Variants in KCNJ6 observed in about 807,000 individuals in gnomAD.
KCNJ6 encodes the protein potassium inwardly rectifying channel subfamily J member 6, also known as G protein-activated inward rectifier potassium channel 2.
KCNJ6 carries 9 observed loss-of-function variants against 34.2 expected under a neutral mutation model. The observed-to-expected ratio is 0.26, with a 90% CI of 0.16 to 0.46. The LOEUF is 0.46. Ranked by LOEUF, KCNJ6 falls within the 20% of genes least tolerant of loss-of-function variation. KCNJ6 has a pLI of 1.00. For missense variants in KCNJ6, 236 were observed against 531.3 expected (o/e 0.44, Z 5.46); for synonymous variants, 196 against 207.1 (o/e 0.95, Z 0.46).
At chr21:37,833,668 G>A (rs577328059) in intron 2 of KCNJ6, among the ~76,000 whole-genome samples, 72 of 152,066 alleles carry the variant, frequency 4.7e-4, no homozygotes, top group Middle Eastern at 3.4e-3. Context: ...AGAAATAAAC[G>A]TGTGTGCATA....
chr21:37,702,367 G>T (rs76518771), intron 3 of KCNJ6, among the ~76,000 whole-genome samples: 3,626 of 152,068 alleles, frequency 0.024, 103 homozygotes, highest in African/African-American at 0.068. Flanking sequence ...GGTGGCCATA[G>T]AGACAGACAT....
At chr21:37,707,466 GAGAC>G (rs1005141740) in intron 3 of KCNJ6, among the ~76,000 whole-genome samples, 43 of 152,144 alleles carry the variant, frequency 2.8e-4, no homozygotes, top group African/African-American at 9.4e-4. Context: ...TGAAGAAATG[GAGAC>G]AGACAGAGGT....
intron 2 of KCNJ6, among the ~76,000 whole-genome samples, chr21:37,814,255 A>G (rs889196845): frequency 6.6e-6 from 1 of 152,226 alleles, no homozygotes; most frequent in African/African-American, 2.4e-5. Flanking sequence ...GACAGGCAAT[A>G]ACAAATAAAA....
At chr21:37,647,259 A>G (rs1198466107) in intron 3 of KCNJ6, among the ~76,000 whole-genome samples, 1 of 152,062 alleles carries the variant, frequency 6.6e-6, no homozygotes, top group East Asian at 1.9e-4. Context: ...CTTTGGATCC[A>G]TGAGGTTTTT....
At chr21:37,853,846 G>GTATATATATATATATATATACA (rs144698876) in intron 1 of KCNJ6, among the ~76,000 whole-genome samples, 3 of 115,992 alleles carry the variant, frequency 2.6e-5, no homozygotes, top group Admixed American at 8.7e-5. Flanking sequence ...ATATATATAT[G>GTATATATATATATATATATACA]TATATATATA....
chr21:37,662,407 C>A (rs1415180679), intron 3 of KCNJ6, among the ~76,000 whole-genome samples: 1 of 152,126 alleles, frequency 6.6e-6, no homozygotes, highest in African/African-American at 2.4e-5. Context: ...TCCATTATTC[C>A]AGCTTCATCC....
chr21:37,693,028 T>C (rs115488711), intron 3 of KCNJ6, among the ~76,000 whole-genome samples: 35 of 152,224 alleles, frequency 2.3e-4, no homozygotes, highest in African/African-American at 8.2e-4. Flanking sequence ...CCGCACCCTG[T>C]GTATGTTCCA....
At chr21:37,758,352 GAA>G (rs538541239) in intron 2 of KCNJ6, among the ~76,000 whole-genome samples, 138 of 152,250 alleles carry the variant, frequency 9.1e-4, no homozygotes, top group African/African-American at 3.2e-3. Context: ...TATTTTGGGA[GAA>G]GTTACCCTGC....
At chr21:37,876,109 G>A (rs1019737077) in intron 1 of KCNJ6, among the ~76,000 whole-genome samples, 2 of 152,210 alleles carry the variant, frequency 1.3e-5, no homozygotes, top group African/African-American at 4.8e-5. Flanking sequence ...AATGATGGCA[G>A]AGCATTAAAT....
intron 3 of KCNJ6, among the ~76,000 whole-genome samples, chr21:37,682,686 C>T (rs1016198337): frequency 5.9e-5 from 9 of 152,196 alleles, no homozygotes; most frequent in Non-Finnish European, 1.0e-4. Flanking sequence ...AGGCCCCATT[C>T]ATCGGTACTG....
intron 2 of KCNJ6, among the ~76,000 whole-genome samples, chr21:37,755,572 T>G (rs147958414): frequency 9.6e-4 from 146 of 152,306 alleles, no homozygotes; most frequent in African/African-American, 3.3e-3. Context: ...TGCTTTGCCA[T>G]GAGGGGCAAC....
chr21:37,846,932 A>G (rs908350590), intron 1 of KCNJ6, among the ~76,000 whole-genome samples: 3 of 151,970 alleles, frequency 2.0e-5, no homozygotes, highest in Non-Finnish European at 4.4e-5. Context: ...TCACCTGAGG[A>G]CTGATTTAAA....
chr21:37,889,114 T>C (rs2055749542), intron 1 of KCNJ6, among the ~76,000 whole-genome samples: 1 of 152,154 alleles, frequency 6.6e-6, no homozygotes. Context: ...GGTGGTGGCT[T>C]CAAAATCAGA....
chr21:37,905,387 C>T (rs115038397), intron 1 of KCNJ6, among the ~76,000 whole-genome samples: 9 of 152,296 alleles, frequency 5.9e-5, no homozygotes, highest in Non-Finnish European at 7.4e-5. Context: ...CGATGCGTGG[C>T]GCTCTGATTT....
chr21:37,864,564 C>T (rs16995594), intron 1 of KCNJ6, among the ~76,000 whole-genome samples: 2,254 of 152,232 alleles, frequency 0.015, 54 homozygotes, highest in African/African-American at 0.052. Context: ...GACTTGTAAG[C>T]TCTGTGCATG....
rs1453891374 is a variant in KCNJ6 at position 37,863,864 on chromosome 21, T to TTG, written c.-27-23156_-27-23155insCA. On this transcript the variant is annotated intron_variant, in intron 1 of 3. Coordinates refer to ENST00000609713, the MANE Select transcript of KCNJ6 (RefSeq NM_002240.5). ...TATAAAGGTTTTTTTTTTTTTGTTT[T>TTG]TTTTTTTTTTTGGTGAAGAGAGAGA... is the stretch of plus-strand genomic sequence containing the variant. Among the ~76,000 whole-genome samples the TTG allele has an allele frequency of 5.3e-3, 764 of 144,478 alleles. 16 individuals carry two copies. Among genetic ancestry groups the TTG allele is most frequent in the Non-Finnish European group, 8.1e-3 (536 of 66,030 alleles). 94.8% of individuals were successfully genotyped at this position (144,478 alleles called of 152,430 possible). A position where few individuals can be genotyped will look rare whatever the true frequency, so the allele number is the denominator to read the frequency against.
chr21:37,717,121 C>T (rs2054796164), intron 2 of KCNJ6: 2 of 154,406 alleles, frequency 1.3e-5, no homozygotes, highest in African/African-American at 4.8e-5. Context: ...TGTGTTTCAG[C>T]CTCAGGAAGA....
intron 3 of KCNJ6, among the ~76,000 whole-genome samples, chr21:37,684,230 C>T (rs576279455): frequency 6.6e-6 from 1 of 152,256 alleles, no homozygotes; most frequent in African/African-American, 2.4e-5. Context: ...CCAGGCCTCT[C>T]CCCCGGGTTA....
rs1340096398 is a variant in KCNJ6, at chr21:37,619,165, A to G, written c.*5994T>C. On this transcript the variant is annotated 3_prime_UTR_variant, in exon 4 of 4. Transcript: ENST00000609713. Reference sequence around the variant, plus strand: ...TTTCTCATCTGATTTCCAGGAAAGCACTCATAAGAGAACTTGATATGTTTT... The same window carrying G: ...TTTCTCATCTGATTTCCAGGAAAGCGCTCATAAGAGAACTTGATATGTTTT... 6.6e-6 allele frequency: 1 copy of G among 152,164 alleles called. No homozygotes were observed. Among genetic ancestry groups the G allele is most frequent in the Non-Finnish European group, 1.5e-5 (1 of 68,032 alleles). 9.4% of individuals were successfully genotyped at this position (152,164 alleles called of 1,614,324 possible).
Sources: allele counts gnomAD v4.1 joint callset (sites outside exome capture counted in the v4.1 genomes callset), GRCh38; gene constraint gnomAD v4.1.1; transcripts MANE v1.5; gene names NCBI Gene and HGNC (gene_info 2026-07-23, HGNC 2026-07-21).